The following MAP7 variants were observed in gnomAD, a reference collection of about 807,000 sequenced individuals.
The protein encoded by MAP7 is microtubule associated protein 7, also known as ensconsin.
A neutral mutation model predicts 94.8 loss-of-function variants in MAP7; 52 were observed. That is an observed-to-expected ratio of 0.55 (90% CI 0.44 to 0.69). The LOEUF (loss-of-function observed/expected upper bound fraction) is 0.69. MAP7 is among the 30% of genes least tolerant of loss of function. MAP7 has a pLI of 0.00. For missense variants in MAP7, 940 were observed against 964.6 expected, an observed-to-expected ratio of 0.97 and a Z score of 0.34; for synonymous variants, 350 against 357.0, an observed-to-expected ratio of 0.98 and a Z score of 0.22.
chr6:136,392,388 CTT>C lies in MAP7; in HGVS notation c.245-2873_245-2872del, dbSNP rs11347286. Among the ~76,000 whole-genome samples, 665 of 102,594 alleles carry C rather than the reference CTT, an allele frequency of 6.5e-3. 4 individuals are homozygous for C. Among genetic ancestry groups the C allele is most frequent in the African/African-American group, 0.017 (453 of 27,028 alleles). 67.3% of individuals were successfully genotyped at this position (102,594 alleles called of 152,430 possible). A position where few individuals can be genotyped will look rare whatever the true frequency, so the allele number is the denominator to read the frequency against. On this transcript the variant is annotated intron_variant, in intron 3 of 17. Coordinates refer to ENST00000354570, the MANE Select transcript of MAP7 (RefSeq NM_003980.6). ...GCCACCGCACCCAGCCTGCATCTTG[CTT>C]TTTTTTTTTTTTTTTTTTTTACTTA...
At chr6:136,470,763 T>C (rs182926840) in intron 1 of MAP7, among the ~76,000 whole-genome samples, 65 of 152,146 alleles carry the variant, frequency 4.3e-4, no homozygotes, top group African/African-American at 1.5e-3. Flanking sequence ...TGTGTGATAG[T>C]GAATGTATAA....
At chr6:136,451,687 C>T (rs1426960596) in intron 1 of MAP7, among the ~76,000 whole-genome samples, 1 of 152,188 alleles carries the variant, frequency 6.6e-6, no homozygotes, top group Non-Finnish European at 1.5e-5. Flanking sequence ...GGAAAGAATT[C>T]TCCATTCTAG....
intron 8 of MAP7, among the ~76,000 whole-genome samples, chr6:136,370,119 A>C (rs1419387472): frequency 6.6e-6 from 1 of 152,248 alleles, no homozygotes; most frequent in East Asian, 1.9e-4. Context: ...AAAGACTGGA[A>C]TTGCCATTTT....
chr6:136,361,236 G>C (rs1199464971), intron 11 of MAP7, 57 bp from the exon 12 acceptor site: 2 of 1,578,912 alleles, frequency 1.3e-6, no homozygotes, highest in Non-Finnish European at 1.7e-6. Context: ...AATCTTTGAA[G>C]AGAGGCCTCC....
At chr6:136,378,964 G>A (rs1776987162) in intron 6 of MAP7, among the ~76,000 whole-genome samples, 2 of 152,130 alleles carry the variant, frequency 1.3e-5, no homozygotes, top group South Asian at 4.1e-4. Context: ...CTGGGCTCAA[G>A]CAATCCTTCC....
At position 136,356,683 on chromosome 6, in the gene MAP7, A is replaced by G; in HGVS notation, c.2015+9T>C. 1 of 1,607,884 alleles carries G rather than the reference A, an allele frequency of 6.2e-7. No individual in the cohort carries two copies. Among genetic ancestry groups the G allele is most frequent in the South Asian group, 1.1e-5 (1 of 90,834 alleles). On this transcript the variant is annotated intron_variant, in intron 16 of 17. Coordinates refer to ENST00000354570, the MANE Select transcript of MAP7 (RefSeq NM_003980.6). ...TGTTTTACTTTAATGAATGTCAGTGAAAACTCACCTCTCCACTGTCACTTT... is the reference window on the plus strand; with the variant it reads ...TGTTTTACTTTAATGAATGTCAGTGGAAACTCACCTCTCCACTGTCACTTT...
intron 1 of MAP7, among the ~76,000 whole-genome samples, chr6:136,548,256 T>C (rs1186486780): frequency 1.3e-5 from 2 of 152,166 alleles, no homozygotes; most frequent in Non-Finnish European, 2.9e-5. Context: ...TTTAAATATA[T>C]GGAATAACTT....
At chr6:136,424,525 C>A (rs914971449) in intron 1 of MAP7, among the ~76,000 whole-genome samples, 1 of 152,172 alleles carries the variant, frequency 6.6e-6, no homozygotes, top group Non-Finnish European at 1.5e-5. Context: ...TTCCAACATA[C>A]TCTAAAACAA....
At chr6:136,450,023 C>A (rs1800608039) in intron 1 of MAP7, among the ~76,000 whole-genome samples, 1 of 152,028 alleles carries the variant, frequency 6.6e-6, no homozygotes, top group African/African-American at 2.4e-5. Flanking sequence ...AACCTTGTCT[C>A]TACTAAAAAT....
chr6:136,363,883 A>G (rs1245956271), intron 10 of MAP7, among the ~76,000 whole-genome samples: 1 of 152,228 alleles, frequency 6.6e-6, no homozygotes, highest in East Asian at 1.9e-4. Flanking sequence ...CAAGCTTAGT[A>G]TCTTTCAGAG....
rs192249628 is a variant in MAP7 at position 136,470,748 on chromosome 6, G to A, written c.68-48949C>T. ...GTAAAAGGGGTGTGTGTGCGTTTTC[G>A]TGTGTGTGTGATAGTGAATGTATAA... On this transcript the variant is annotated intron_variant, in intron 1 of 17. Coordinates refer to ENST00000354570, the MANE Select transcript of MAP7 (RefSeq NM_003980.6). Among the ~76,000 whole-genome samples the A allele has an allele frequency of 3.7e-4, 56 of 151,788 alleles. 1 individual carries two copies. The East Asian group carries it at 9.7e-3, about 26-fold the overall frequency.
At chr6:136,390,327 A>G (rs766144756) in intron 3 of MAP7, among the ~76,000 whole-genome samples, 1 of 152,198 alleles carries the variant, frequency 6.6e-6, no homozygotes, top group Non-Finnish European at 1.5e-5. Context: ...TGAGGACACT[A>G]CATGGCATAC....
At chr6:136,513,631 G>T (rs1403136182) in intron 1 of MAP7, among the ~76,000 whole-genome samples, 2 of 152,288 alleles carry the variant, frequency 1.3e-5, no homozygotes, top group Middle Eastern at 3.4e-3. Flanking sequence ...AGTTTTGTAT[G>T]GTAGATGCAC....
At chr6:136,499,816 T>C (rs765286694) in intron 1 of MAP7, among the ~76,000 whole-genome samples, 26 of 151,938 alleles carry the variant, frequency 1.7e-4, no homozygotes, top group Non-Finnish European at 3.7e-4. Context: ...CTGGCCGACA[T>C]AGGGAGCTCT....
intron 17 of MAP7, 84 bp from the exon 18 acceptor site, chr6:136,344,322 A>C (rs996432454): frequency 3.5e-6 from 2 of 578,654 alleles, no homozygotes; most frequent in Non-Finnish European, 5.3e-6. Flanking sequence ...TAATACCTTA[A>C]ATTTCTAAAA....
intron 5 of MAP7, among the ~76,000 whole-genome samples, chr6:136,386,224 G>A (rs977546912): frequency 1.3e-5 from 2 of 152,180 alleles, no homozygotes; most frequent in African/African-American, 2.4e-5. Flanking sequence ...CAAGTAAAGG[G>A]TATTCAAAAT....
At chr6:136,348,011 GCC>G (rs58157708) in intron 16 of MAP7, among the ~76,000 whole-genome samples, 123 of 136,956 alleles carry the variant, frequency 9.0e-4, no homozygotes, top group African/African-American at 3.1e-3. Flanking sequence ...ATGTGCACAT[GCC>G]CCCCCCCCCA....
At chr6:136,507,016 C>T (rs925964827) in intron 1 of MAP7, among the ~76,000 whole-genome samples, 3 of 152,216 alleles carry the variant, frequency 2.0e-5, no homozygotes, top group Admixed American at 2.0e-4. Flanking sequence ...TTGTTCTGAC[C>T]ACGAGGCACC....
At chr6:136,423,782 G>GTTTTTTTTTTT (rs60134746) in intron 1 of MAP7, among the ~76,000 whole-genome samples, 1 of 136,140 alleles carries the variant, frequency 7.3e-6, no homozygotes, top group Non-Finnish European at 1.5e-5. Flanking sequence ...AGGGAGTTGT[G>GTTTTTTTTTTT]TTTTTTTTTT....
Sources: gnomAD v4.1 joint callset for allele counts (sites outside exome capture counted in the v4.1 genomes callset) on GRCh38, gnomAD v4.1.1 for gene constraint, MANE v1.5 for transcripts, NCBI Gene and HGNC (gene_info 2026-07-23, HGNC 2026-07-21) for gene names.